PTGR3: variants seen among roughly 807,000 people sequenced by gnomAD.
PTGR3 encodes the protein zinc binding alcohol dehydrogenase domain containing 2.
chr18:75,198,931 T>C, the PTGR3 span: 4 of 152,630 alleles, frequency 2.6e-5, no homozygotes, highest in Non-Finnish European at 5.9e-5. Flanking sequence ...TCTTGAACAA[T>C]AATCCCAGAA....
At chr18:75,204,798 G>A in the PTGR3 span, among the ~76,000 whole-genome samples, 1 of 152,092 alleles carries the variant, frequency 6.6e-6, no homozygotes, top group Non-Finnish European at 1.5e-5. Flanking sequence ...CCCAGTCCGC[G>A]CCCTTCGTCC....
At chr18:75,208,251 T>G in the PTGR3 span, 1 of 909,242 alleles carries the variant, frequency 1.1e-6, no homozygotes, top group African/African-American at 1.8e-5. Flanking sequence ...TCGTTAACAC[T>G]CAGGGGACAG....
the PTGR3 span, chr18:75,201,247 A>C: frequency 1.7e-6 from 1 of 603,768 alleles, no homozygotes; most frequent in Non-Finnish European, 2.8e-6. Context: ...TTTTTCCCCC[A>C]AGGGAAGAGG....
the PTGR3 span, chr18:75,201,742 C>G: frequency 3.7e-6 from 6 of 1,614,118 alleles, no homozygotes; most frequent in African/African-American, 6.7e-5. Flanking sequence ...GAGATAAACC[C>G]TATTACTATC....
At chr18:75,196,419 G>C in the PTGR3 span, 2 of 151,946 alleles carry the variant, frequency 1.3e-5, no homozygotes, top group Non-Finnish European at 2.9e-5. Context: ...CTTGAGCCCA[G>C]GAGTTCCAGA....
the PTGR3 span, among the ~76,000 whole-genome samples, chr18:75,206,737 G>T: frequency 6.6e-6 from 1 of 152,196 alleles, no homozygotes; most frequent in African/African-American, 2.4e-5. Context: ...GGGTTAGGTT[G>T]TTCATATGGA....
the PTGR3 span, chr18:75,209,075 C>G: frequency 2.0e-6 from 3 of 1,490,064 alleles, no homozygotes; most frequent in East Asian, 8.8e-5. This position sits in a 1 kb window ranked among gnomAD's most constrained non-coding sequence, Gnocchi z 4.7. Flanking sequence ...CGCCTCCGCC[C>G]GCTCTCTGCG....
At chr18:75,207,364 A>G in the PTGR3 span, among the ~76,000 whole-genome samples, 1 of 152,216 alleles carries the variant, frequency 6.6e-6, no homozygotes, top group African/African-American at 2.4e-5. Context: ...TGCCCGTTAA[A>G]GTTTGTTTGG....
chr18:75,206,007 CT>C, the PTGR3 span, among the ~76,000 whole-genome samples: 3 of 152,164 alleles, frequency 2.0e-5, no homozygotes, highest in Non-Finnish European at 4.4e-5. Flanking sequence ...CTGTCACCTT[CT>C]TACGAAAAAA....
chr18:75,201,480 T>G, the PTGR3 span: 14 of 1,614,188 alleles, frequency 8.7e-6, no homozygotes, highest in South Asian at 1.3e-4. Flanking sequence ...TTTTCCCATG[T>G]ACATATAATT....
chr18:75,200,592 T>C, the PTGR3 span: 3 of 152,334 alleles, frequency 2.0e-5, no homozygotes, highest in African/African-American at 7.2e-5. Flanking sequence ...GGGGCCCGTG[T>C]TTTGTGGTGA....
At chr18:75,207,808 G>A in the PTGR3 span, among the ~76,000 whole-genome samples, 1 of 152,192 alleles carries the variant, frequency 6.6e-6, no homozygotes, top group Non-Finnish European at 1.5e-5. Flanking sequence ...GTCCGTGCAA[G>A]GGACTTTACG....
chr18:75,204,813 G>A, the PTGR3 span, among the ~76,000 whole-genome samples: 1 of 152,132 alleles, frequency 6.6e-6, no homozygotes, highest in Admixed American at 6.5e-5. Flanking sequence ...TCGTCCCAGC[G>A]CCGGCCGCGC....
the PTGR3 span, chr18:75,202,148 A>T: frequency 5.0e-6 from 8 of 1,614,138 alleles, no homozygotes; most frequent in Non-Finnish European, 6.8e-6. Flanking sequence ...TGGCAGGCAC[A>T]ACTGTGTACT....
the PTGR3 span, among the ~76,000 whole-genome samples, chr18:75,203,548 T>A: frequency 6.6e-6 from 1 of 152,160 alleles, no homozygotes; most frequent in Non-Finnish European, 1.5e-5. Flanking sequence ...CAGAAAAGTC[T>A]CTGTATATTG....
At chr18:75,205,183 G>C in the PTGR3 span, 9 of 985,538 alleles carry the variant, frequency 9.1e-6, no homozygotes, top group Non-Finnish European at 1.1e-5. Context: ...GGACCCGCCT[G>C]AGTCCTTACC....
chr18:75,201,990 T>C, the PTGR3 span: 3 of 1,614,114 alleles, frequency 1.9e-6, no homozygotes, highest in Admixed American at 5.0e-5. Context: ...CATGGCAAAC[T>C]GGCCCGTTCC....
At chr18:75,204,737 G>C in the PTGR3 span, among the ~76,000 whole-genome samples, 1 of 152,108 alleles carries the variant, frequency 6.6e-6, no homozygotes, top group Non-Finnish European at 1.5e-5. Context: ...CCTCAGGCCT[G>C]CGACCGTGAC....
At chr18:75,201,959 C>T in the PTGR3 span, 334 of 1,614,242 alleles carry the variant, frequency 2.1e-4, 1 homozygote, top group African/African-American at 4.0e-3. Context: ...TTACATGGCA[C>T]TTTGCCTTCT....
Sources: allele counts gnomAD v4.1 joint callset (sites outside exome capture counted in the v4.1 genomes callset), GRCh38; gene constraint gnomAD v4.1.1; non-coding constraint Gnocchi (gnomAD v3.1); transcripts MANE v1.5; gene names NCBI Gene and HGNC (gene_info 2026-07-23, HGNC 2026-07-21).